The following ROBO1 variants were observed in gnomAD, a reference collection of about 807,000 sequenced individuals.
The protein encoded by ROBO1 is roundabout homolog 1.
In ROBO1, 149 loss-of-function variants were observed where a neutral mutation model predicts 195.9. That is an observed-to-expected ratio of 0.76 (90% CI 0.67 to 0.87). ROBO1 has a LOEUF of 0.87. Ranked by LOEUF, ROBO1 falls within the 40% of genes least tolerant of loss-of-function variation. The pLI, the probability that ROBO1 is intolerant of heterozygous loss-of-function variation, is 0.00. For missense variants in ROBO1, 1,933 were observed against 2,068.3 expected, an observed-to-expected ratio of 0.93 and a Z score of 1.27; for synonymous variants, 816 against 733.2, an observed-to-expected ratio of 1.11 and a Z score of -1.82.
chr3:79,026,768 G>T (rs1392488847), intron 3 of ROBO1, among the ~76,000 whole-genome samples: 1 of 151,970 alleles, frequency 6.6e-6, no homozygotes, highest in African/African-American at 2.4e-5. Context: ...TGGGATCATA[G>T]TTAACAGCTG....
At chr3:79,282,790 T>G (rs1035723416) in intron 2 of ROBO1, among the ~76,000 whole-genome samples, 2 of 152,136 alleles carry the variant, frequency 1.3e-5, no homozygotes, top group Non-Finnish European at 2.9e-5. Flanking sequence ...ATACAGACCT[T>G]TGGAAACAGT....
chr3:79,361,892 C>A (rs1046081097), intron 2 of ROBO1, among the ~76,000 whole-genome samples: 2 of 151,932 alleles, frequency 1.3e-5, no homozygotes, highest in African/African-American at 4.8e-5. Context: ...AAGTATATTT[C>A]TTGATTAAAA....
chr3:78,809,096 C>T (rs2084644395), intron 4 of ROBO1, among the ~76,000 whole-genome samples: 1 of 151,894 alleles, frequency 6.6e-6, no homozygotes, highest in Non-Finnish European at 1.5e-5. Context: ...GCAATCTATC[C>T]ATCTCACAAA....
At chr3:79,656,531 A>G (rs1001701251) in intron 1 of ROBO1, among the ~76,000 whole-genome samples, 14 of 152,062 alleles carry the variant, frequency 9.2e-5, no homozygotes, top group African/African-American at 3.4e-4. Context: ...TCAATTATCT[A>G]TCTATCTATC....
intron 2 of ROBO1, among the ~76,000 whole-genome samples, chr3:79,502,570 C>A (rs1940148171): frequency 6.6e-6 from 1 of 152,150 alleles, no homozygotes; most frequent in African/African-American, 2.4e-5. Flanking sequence ...TCCACAGCTC[C>A]CAGTCCCATC....
chr3:79,700,557 A>G (rs1225973593), intron 1 of ROBO1, among the ~76,000 whole-genome samples: 1 of 151,742 alleles, frequency 6.6e-6, no homozygotes, highest in Non-Finnish European at 1.5e-5. Flanking sequence ...TTGGCTTTTT[A>G]GTAGTATCCA....
chr3:79,703,262 AT>A (rs1208083750), intron 1 of ROBO1, among the ~76,000 whole-genome samples: 1 of 151,756 alleles, frequency 6.6e-6, no homozygotes, highest in Non-Finnish European at 1.5e-5. Context: ...ATTAGTATCC[AT>A]TTTTTAGAAC....
rs148669339 is a variant in ROBO1, at chr3:78,952,178, T to C, written c.173-13251A>G. Among the ~76,000 whole-genome samples, 407 of 151,522 alleles carry C rather than the reference T, an allele frequency of 2.7e-3. 2 individuals are homozygous for C. The highest frequency in any genetic ancestry group is 9.5e-3 in the African/African-American group (392 of 41,466). ...ATTAGAAAACCTAAAATGATTAAAG[T>C]ATCTGTCTCCATCAAATATCATATT... On this transcript the variant is annotated intron_variant, in intron 3 of 30. Coordinates refer to ENST00000464233, the MANE Select transcript of ROBO1 (RefSeq NM_002941.4).
chr3:79,200,603 T>C (rs185207267), intron 2 of ROBO1, among the ~76,000 whole-genome samples: 109 of 151,728 alleles, frequency 7.2e-4, no homozygotes, highest in Admixed American at 2.6e-3. Flanking sequence ...GTAGAAACTT[T>C]GAGAGTGAGT....
intron 2 of ROBO1, among the ~76,000 whole-genome samples, chr3:79,379,323 T>A (rs374067967): frequency 2.0e-5 from 3 of 152,302 alleles, no homozygotes; most frequent in East Asian, 3.9e-4. Context: ...TTCTTTGGGC[T>A]TGGTCATGTG....
intron 3 of ROBO1, among the ~76,000 whole-genome samples, chr3:78,945,468 A>G (rs1321635500): frequency 6.6e-6 from 1 of 152,208 alleles, no homozygotes; most frequent in African/African-American, 2.4e-5. Context: ...CCTGTCTGTT[A>G]GAAAGAAAAC....
chr3:79,641,345 T>G (rs1223137966), intron 1 of ROBO1, among the ~76,000 whole-genome samples: 1 of 152,148 alleles, frequency 6.6e-6, no homozygotes, highest in Non-Finnish European at 1.5e-5. Flanking sequence ...CACAACTCTT[T>G]TTTACATCTT....
chr3:78,809,424 C>T (rs1372741981), intron 4 of ROBO1, among the ~76,000 whole-genome samples: 5 of 152,142 alleles, frequency 3.3e-5, no homozygotes, highest in East Asian at 1.9e-4. Flanking sequence ...TTGTGGAAGA[C>T]GGTGTGGCGA....
intron 1 of ROBO1, among the ~76,000 whole-genome samples, chr3:79,685,924 G>T (rs1947093369): frequency 6.6e-6 from 1 of 151,498 alleles, no homozygotes; most frequent in East Asian, 1.9e-4. Flanking sequence ...AACAAAAAAA[G>T]AGAATTTTAG....
chr3:79,537,117 T>A (rs925473391), intron 2 of ROBO1, among the ~76,000 whole-genome samples: 1 of 151,896 alleles, frequency 6.6e-6, no homozygotes, highest in African/African-American at 2.4e-5. Flanking sequence ...TTTTTTATTT[T>A]TTTTTTGACT....
At chr3:79,355,160 G>T (rs566339764) in intron 2 of ROBO1, among the ~76,000 whole-genome samples, 1 of 151,292 alleles carries the variant, frequency 6.6e-6, no homozygotes, top group African/African-American at 2.4e-5. Flanking sequence ...AGCAAGACTC[G>T]GTCTCAAAAA....
intron 1 of ROBO1, among the ~76,000 whole-genome samples, chr3:79,635,346 T>C (rs777241528): frequency 2.6e-5 from 4 of 152,190 alleles, no homozygotes; most frequent in Non-Finnish European, 5.9e-5. Flanking sequence ...TATAAGATGA[T>C]ACAAATAAAA....
chr3:79,563,867 T>C (rs1057245619), intron 2 of ROBO1, among the ~76,000 whole-genome samples: 4 of 152,064 alleles, frequency 2.6e-5, no homozygotes, highest in Non-Finnish European at 2.9e-5. Context: ...ATATTTCTAT[T>C]TTATAGAGTG....
At chr3:79,614,828 A>T (rs1292384313) in intron 1 of ROBO1, among the ~76,000 whole-genome samples, 8 of 148,516 alleles carry the variant, frequency 5.4e-5, no homozygotes, top group Non-Finnish European at 1.0e-4. Flanking sequence ...CATTAAAAAT[A>T]TAAATAAAGA....
Sources: allele counts gnomAD v4.1 joint callset (sites outside exome capture counted in the v4.1 genomes callset), GRCh38; gene constraint gnomAD v4.1.1; transcripts MANE v1.5; gene names NCBI Gene and HGNC (gene_info 2026-07-23, HGNC 2026-07-21).